TBCA: variants seen among roughly 807,000 people sequenced by gnomAD.
TBCA encodes tubulin folding cofactor A.
In TBCA, 6 loss-of-function variants were observed where a neutral mutation model predicts 15.8. That is an observed-to-expected ratio of 0.38 (90% CI 0.21 to 0.75). The LOEUF is 0.75. TBCA is among the 30% of genes least tolerant of loss of function. The probability of loss-of-function intolerance (pLI) is 0.46; values close to 1 mark genes in which losing one functional copy is unlikely to be tolerated. For synonymous variants in TBCA, 32 were observed against 42.3 expected, an observed-to-expected ratio of 0.76 and a Z score of 0.94; for missense variants, 90 against 131.2, an observed-to-expected ratio of 0.69 and a Z score of 1.53.
intron 2 of TBCA, among the ~76,000 whole-genome samples, chr5:77,699,033 CAAAAAAA>C (rs71608119): frequency 1.6e-3 from 111 of 70,086 alleles, no homozygotes; most frequent in African/African-American, 2.9e-3. Context: ...GCAAGAGCAT[CAAAAAAA>C]AAAAAAAAAA....
At chr5:77,725,284 C>T (rs897062886) in intron 1 of TBCA, among the ~76,000 whole-genome samples, 1 of 152,192 alleles carries the variant, frequency 6.6e-6, no homozygotes, top group Non-Finnish European at 1.5e-5. Context: ...CATTTATTTG[C>T]CACTTTTGCT....
intron 1 of TBCA, among the ~76,000 whole-genome samples, chr5:77,769,170 G>T (rs1485477697): frequency 6.6e-6 from 1 of 152,168 alleles, no homozygotes; most frequent in Non-Finnish European, 1.5e-5. Flanking sequence ...CTGACCACCT[G>T]CAATCCATTT....
chr5:77,737,821 A>C (rs1385316918), intron 1 of TBCA, among the ~76,000 whole-genome samples: 1 of 152,002 alleles, frequency 6.6e-6, no homozygotes, highest in African/African-American at 2.4e-5. Context: ...TTAACTATCA[A>C]TTTCTCTTCA....
intron 1 of TBCA, among the ~76,000 whole-genome samples, chr5:77,738,598 T>C (rs576081503): frequency 1.3e-5 from 2 of 152,344 alleles, no homozygotes; most frequent in East Asian, 3.9e-4. Flanking sequence ...CTTCTTTTTT[T>C]TGGAGACGGA....
intron 1 of TBCA, among the ~76,000 whole-genome samples, chr5:77,716,062 T>C (rs1394295778): frequency 6.6e-6 from 1 of 152,246 alleles, no homozygotes. Context: ...TTGCATTTAA[T>C]ACTTTTGATC....
chr5:77,761,446 T>G (rs910749684), intron 1 of TBCA, among the ~76,000 whole-genome samples: 1 of 152,066 alleles, frequency 6.6e-6, no homozygotes, highest in African/African-American at 2.4e-5. Context: ...AGCATGCTCC[T>G]TAAGAGTCAT....
At chr5:77,691,739 A>C (rs187861537) in intron 3 of TBCA, 13 of 1,159,668 alleles carry the variant, frequency 1.1e-5, no homozygotes, top group Non-Finnish European at 1.4e-5. Context: ...AAATAAGTGA[A>C]TAACAGTCTT....
At chr5:77,706,494 TAG>T (rs1227651286) in intron 2 of TBCA, among the ~76,000 whole-genome samples, 2 of 151,654 alleles carry the variant, frequency 1.3e-5, no homozygotes, top group Non-Finnish European at 2.9e-5. Context: ...ACAATGGCAA[TAG>T]AGAGAAAAAT....
At chr5:77,773,782 G>C (rs1325985063) in intron 1 of TBCA, among the ~76,000 whole-genome samples, 1 of 152,184 alleles carries the variant, frequency 6.6e-6, no homozygotes, top group Admixed American at 6.5e-5. Context: ...ACAAAGGAAA[G>C]GTGGGCGAAC....
intron 2 of TBCA, among the ~76,000 whole-genome samples, chr5:77,707,491 A>G (rs1181128293): frequency 6.6e-6 from 1 of 152,166 alleles, no homozygotes; most frequent in African/African-American, 2.4e-5. Context: ...GCAAAATTTC[A>G]GAGGCAAAGA....
chr5:77,693,485 T>A, intron 2 of TBCA, 133 bp from the exon 3 acceptor site: 1 of 1,071,424 alleles, frequency 9.3e-7, no homozygotes, highest in Non-Finnish European at 1.3e-6. Flanking sequence ...TTCAATATTT[T>A]AACTTAAATT....
chr5:77,738,869 C>G (rs1746970469), intron 1 of TBCA, among the ~76,000 whole-genome samples: 1 of 152,208 alleles, frequency 6.6e-6, no homozygotes, highest in Non-Finnish European at 1.5e-5. Context: ...AGGCGTGAGC[C>G]ACTGCACCTG....
intron 1 of TBCA, among the ~76,000 whole-genome samples, chr5:77,718,861 A>G (rs968847301): frequency 6.6e-6 from 1 of 152,158 alleles, no homozygotes. Context: ...CTCATTCTTC[A>G]AAACTTAACT....
In TBCA at chr5:77,765,616, C is replaced by T. The variant is rs562052765; in HGVS notation, c.53+10589G>A. Among the ~76,000 whole-genome samples the T allele has an allele frequency of 4.3e-3, 662 of 152,272 alleles. 3 individuals carry two copies. Among genetic ancestry groups the T allele is most frequent in the Non-Finnish European group, 7.8e-3 (531 of 68,018 alleles). On this transcript the variant is annotated intron_variant, in intron 1 of 3. Coordinates refer to ENST00000380377, the MANE Select transcript of TBCA (RefSeq NM_004607.3). Reference sequence around the variant, plus strand: ...TCACTTGGTTGCTGCTCCTCAAACACGCCAATCTTACTCCCTTTTTCAAGT... The same window carrying T: ...TCACTTGGTTGCTGCTCCTCAAACATGCCAATCTTACTCCCTTTTTCAAGT...
At chr5:77,694,677 G>A (rs1464563106) in intron 2 of TBCA, among the ~76,000 whole-genome samples, 1 of 152,084 alleles carries the variant, frequency 6.6e-6, no homozygotes, top group Non-Finnish European at 1.5e-5. Flanking sequence ...GACAATCTGA[G>A]CTTTTTACTA....
chr5:77,703,360 T>TACCA (rs1746068674), intron 2 of TBCA, among the ~76,000 whole-genome samples: 1 of 152,112 alleles, frequency 6.6e-6, no homozygotes, highest in South Asian at 2.1e-4. Context: ...CAGAAAGCTT[T>TACCA]ACCAAGTGAG....
intron 1 of TBCA, among the ~76,000 whole-genome samples, chr5:77,752,983 G>T (rs918082825): frequency 6.6e-6 from 1 of 152,028 alleles, no homozygotes; most frequent in East Asian, 1.9e-4. Context: ...ATGAGCCACC[G>T]CACCCGGCCT....
chr5:77,757,198 C>A (rs539171256), intron 1 of TBCA, among the ~76,000 whole-genome samples: 43 of 152,072 alleles, frequency 2.8e-4, no homozygotes, highest in Admixed American at 4.6e-4. Context: ...ACAACAACAA[C>A]AAAAAATCCA....
chr5:77,737,753 T>C (rs1446040285), intron 1 of TBCA, among the ~76,000 whole-genome samples: 1 of 152,248 alleles, frequency 6.6e-6, no homozygotes, highest in African/African-American at 2.4e-5. Flanking sequence ...TGATATATTC[T>C]GAAACTGTCC....
Sources: gnomAD v4.1 joint callset for allele counts (sites outside exome capture counted in the v4.1 genomes callset) on GRCh38, gnomAD v4.1.1 for gene constraint, MANE v1.5 for transcripts, NCBI Gene and HGNC (gene_info 2026-07-23, HGNC 2026-07-21) for gene names.